The following GRM7 variants were observed in gnomAD, a reference collection of about 807,000 sequenced individuals.
GRM7 encodes metabotropic glutamate receptor 7.
A neutral mutation model predicts 84.5 loss-of-function variants in GRM7; 35 were observed. That is an observed-to-expected ratio of 0.41 (90% confidence interval 0.32 to 0.55). The LOEUF (loss-of-function observed/expected upper bound fraction) is 0.55. Among genes scored for constraint, GRM7 ranks in the 20% least tolerant of loss-of-function variants. The pLI, the probability that GRM7 is intolerant of heterozygous loss-of-function variation, is 0.19. For missense variants in GRM7, 1,003 were observed against 1,194.6 expected, an observed-to-expected ratio of 0.84 and a Z score of 2.36; for synonymous variants, 487 against 455.1, an observed-to-expected ratio of 1.07 and a Z score of -0.89.
chr3:7,326,380 G>A (rs535961323), intron 4 of GRM7, among the ~76,000 whole-genome samples: 2 of 152,152 alleles, frequency 1.3e-5, no homozygotes, highest in South Asian at 2.1e-4. Flanking sequence ...AGATGGTGAT[G>A]CATTACATAG....
chr3:7,370,570 A>T (rs536829995), intron 4 of GRM7, among the ~76,000 whole-genome samples: 1 of 144,222 alleles, frequency 6.9e-6, no homozygotes, highest in Admixed American at 6.7e-5. Flanking sequence ...TTACTCATGA[A>T]GGTTCAGGTA....
intron 8 of GRM7, among the ~76,000 whole-genome samples, chr3:7,582,796 A>T (rs1231799981): frequency 6.6e-6 from 1 of 152,126 alleles, no homozygotes; most frequent in East Asian, 1.9e-4. Context: ...AATTGTGTTC[A>T]TGGTCACCCC....
chr3:7,320,264 A>G (rs1450587317), intron 4 of GRM7, among the ~76,000 whole-genome samples: 1 of 152,042 alleles, frequency 6.6e-6, no homozygotes, highest in East Asian at 1.9e-4. Flanking sequence ...CAAATTAACA[A>G]GAGAAAAGCA....
intron 4 of GRM7, among the ~76,000 whole-genome samples, chr3:7,355,365 G>A (rs1693348700): frequency 1.3e-5 from 2 of 152,010 alleles, no homozygotes; most frequent in South Asian, 4.1e-4. Context: ...AAAAATCTCT[G>A]CAATAGGTCC....
At chr3:7,336,053 C>T (rs1038546342) in intron 4 of GRM7, among the ~76,000 whole-genome samples, 2 of 151,580 alleles carry the variant, frequency 1.3e-5, no homozygotes, top group African/African-American at 2.4e-5. Context: ...TCTATGAAAC[C>T]AGTATCACCA....
chr3:7,550,577 CTGTGTGTG>C (rs369817211), intron 7 of GRM7, among the ~76,000 whole-genome samples: 7 of 53,028 alleles, frequency 1.3e-4, no homozygotes, highest in Admixed American at 2.5e-4. Flanking sequence ...CTCTCTCTCT[CTGTGTGTG>C]TGTGTGTGTG....
intron 1 of GRM7, among the ~76,000 whole-genome samples, chr3:7,089,437 C>G (rs1487160419): frequency 6.6e-6 from 1 of 152,054 alleles, no homozygotes; most frequent in African/African-American, 2.4e-5. Context: ...TATTGTTTCT[C>G]ATTTAATTGT....
intron 2 of GRM7, among the ~76,000 whole-genome samples, 163 bp downstream of exon 2, chr3:7,146,831 A>T (rs1694125787): frequency 1.3e-5 from 2 of 152,012 alleles, no homozygotes; most frequent in African/African-American, 4.8e-5. Flanking sequence ...TTGTTTTTGG[A>T]GAGATTTTTG....
intron 1 of GRM7, among the ~76,000 whole-genome samples, chr3:7,071,582 C>G (rs1697885707): frequency 6.6e-6 from 1 of 151,900 alleles, no homozygotes; most frequent in African/African-American, 2.4e-5. Flanking sequence ...GCTACTGTCC[C>G]CCAAACTGAG....
At chr3:7,205,029 G>A (rs756297484) in intron 2 of GRM7, among the ~76,000 whole-genome samples, 1 of 152,190 alleles carries the variant, frequency 6.6e-6, no homozygotes, top group Non-Finnish European at 1.5e-5. Flanking sequence ...AACTACAGAA[G>A]GACGGTAGCA....
chr3:7,036,401 C>T (rs150447545), intron 1 of GRM7, among the ~76,000 whole-genome samples: 92 of 152,194 alleles, frequency 6.0e-4, no homozygotes, highest in African/African-American at 2.0e-3. Flanking sequence ...CTCTGTTTGA[C>T]GATGGCATGA....
chr3:7,673,233 C>T (rs1032950839), intron 8 of GRM7, among the ~76,000 whole-genome samples: 11 of 152,148 alleles, frequency 7.2e-5, no homozygotes, highest in African/African-American at 2.2e-4. Context: ...AAAAATGCTA[C>T]TAATAGACTA....
intron 5 of GRM7, among the ~76,000 whole-genome samples, chr3:7,436,919 T>TATC (rs3065613): frequency 0.33 from 50,167 of 151,544 alleles, 9,622 homozygotes; most frequent in Non-Finnish European, 0.45. Flanking sequence ...TCAGGTCTTT[T>TATC]ATCATCATCA....
intron 1 of GRM7, among the ~76,000 whole-genome samples, chr3:7,013,413 G>A (rs1440391207): frequency 6.6e-6 from 1 of 151,998 alleles, no homozygotes; most frequent in African/African-American, 2.4e-5. Flanking sequence ...GCAAACTCCA[G>A]ATATCATATT....
At chr3:6,901,078 T>C in intron 1 of GRM7, among the ~76,000 whole-genome samples, 1 of 152,200 alleles carries the variant, frequency 6.6e-6, no homozygotes, top group South Asian at 2.1e-4. Context: ...CTAAAATTAA[T>C]GATTGGATGT....
chr3:7,022,910 C>T (rs1376433914), intron 1 of GRM7, among the ~76,000 whole-genome samples: 1 of 152,126 alleles, frequency 6.6e-6, no homozygotes, highest in Non-Finnish European at 1.5e-5. Context: ...AGGCAGTAGT[C>T]AGAGTAATTA....
intron 5 of GRM7, among the ~76,000 whole-genome samples, chr3:7,425,599 T>C (rs529170273): frequency 5.7e-4 from 87 of 152,226 alleles, no homozygotes; most frequent in African/African-American, 2.0e-3. Flanking sequence ...CAGTTGTAAA[T>C]TGAGCTACCA....
intron 7 of GRM7, among the ~76,000 whole-genome samples, chr3:7,495,311 A>G (rs1428918218): frequency 6.6e-6 from 1 of 151,964 alleles, no homozygotes; most frequent in Non-Finnish European, 1.5e-5. Context: ...GTATCTTCCT[A>G]TTTCTCCTCA....
Position 7,473,520 on chromosome 3 carries a change from G to GAGAGAA in GRM7, c.1515+11803_1515+11804insAAGAGA, listed in dbSNP as rs1430476856. Reference sequence around the variant, plus strand: ...AGAGAGAGAGAGAGAGAGAGAGAGAGAGAGAGAGAGAAACACCTTGACAGA... The same window carrying GAGAGAA: ...AGAGAGAGAGAGAGAGAGAGAGAGAGAGAGAAAGAGAGAGAGAAACACCTTGACAGA... On this transcript the variant is annotated intron_variant, in intron 7 of 9. Coordinates refer to ENST00000357716, the MANE Select transcript of GRM7 (RefSeq NM_000844.4). Among the ~76,000 whole-genome samples, 12 of 151,466 alleles carry GAGAGAA rather than the reference G, an allele frequency of 7.9e-5. No individual in the cohort carries two copies. The East Asian group carries it at 2.3e-3, about 29-fold the overall frequency.
Sources: allele counts gnomAD v4.1 joint callset (sites outside exome capture counted in the v4.1 genomes callset), GRCh38; gene constraint gnomAD v4.1.1; transcripts MANE v1.5; gene names NCBI Gene and HGNC (gene_info 2026-07-23, HGNC 2026-07-21).